HHIPL1: variants seen among roughly 807,000 people sequenced by gnomAD.
HHIPL1 encodes the protein HHIP like 1.
In HHIPL1, 43 loss-of-function variants were observed where a neutral mutation model predicts 61.8. That is an observed-to-expected ratio of 0.70 (90% CI 0.55 to 0.90). HHIPL1 has a LOEUF of 0.90. Ranked by LOEUF, HHIPL1 falls within the 40% of genes least tolerant of loss-of-function variation. HHIPL1 has a pLI of 0.00. For synonymous variants in HHIPL1, 482 were observed against 515.8 expected, an observed-to-expected ratio of 0.93 and a Z score of 0.89; for missense variants, 1,056 against 1,157.7, an observed-to-expected ratio of 0.91 and a Z score of 1.28.
chr14:99,636,607 C>G, the HHIPL1 span, among the ~76,000 whole-genome samples: 1 of 152,076 alleles, frequency 6.6e-6, no homozygotes, highest in South Asian at 2.1e-4. Flanking sequence ...GAGTTCTAGA[C>G]AGCAGTTAAA....
chr14:99,659,859 CG>C lies in HHIPL1; in HGVS notation c.1375+105del, dbSNP rs1686049878. On this transcript the variant is annotated intron_variant, in intron 4 of 8. Coordinates refer to ENST00000330710, the MANE Select transcript of HHIPL1 (RefSeq NM_001127258.3). ...CTCGGAGACCGCACCCCCCCCCCCC[CG>C]GAGATCCCTGACCCTGAGTCTGTCC... is the stretch of plus-strand genomic sequence containing the variant. 139 of 625,402 alleles carry C rather than the reference CG, an allele frequency of 2.2e-4. 1 individual carries two copies. The highest frequency in any genetic ancestry group is 2.9e-4 in the Non-Finnish European group (123 of 426,946). The allele number at this position is 625,402 out of a possible 1,614,324, so 38.7% of individuals were successfully genotyped here. A position where few individuals can be genotyped will look rare whatever the true frequency, so the allele number is the denominator to read the frequency against.
At chr14:99,607,718 G>A in the HHIPL1 span, among the ~76,000 whole-genome samples, 1 of 152,016 alleles carries the variant, frequency 6.6e-6, no homozygotes, top group South Asian at 2.1e-4. Context: ...CCCAGAGGCA[G>A]TACCATTTGG....
In HHIPL1 at chr14:99,652,323, T is replaced by C. The variant is rs180927674; in HGVS notation, c.355T>C (p.Trp119Arg). 1.9e-6 allele frequency: 3 copies of C among 1,614,158 alleles called. No homozygotes were observed. The Admixed American group carries it at 5.0e-5, about 27-fold the overall frequency. Reference protein sequence around the residue: ...GLCQDYCLDMWHKCRGLFRHL... With the variant: ...GLCQDYCLDMRHKCRGLFRHL... ...CTGCCAGGATTACTGCCTGGACATGTGGCATAAGTGCCGGGGGCTGTTCCG... is the reference window on the plus strand; with the variant it reads ...CTGCCAGGATTACTGCCTGGACATGCGGCATAAGTGCCGGGGGCTGTTCCG... The change falls in exon 2 of 9, where the codon TGG becomes CGG. Residue 119 changes from tryptophan (W) to arginine (R), a missense_variant. Coordinates refer to ENST00000330710, the MANE Select transcript of HHIPL1 (RefSeq NM_001127258.3).
the HHIPL1 span, among the ~76,000 whole-genome samples, chr14:99,638,224 C>T: frequency 2.0e-5 from 3 of 152,212 alleles, no homozygotes; most frequent in Admixed American, 1.3e-4. Flanking sequence ...CCAGCACTCA[C>T]GAGATGGGTC....
chr14:99,647,367 A>G (rs1218502216), intron 1 of HHIPL1, among the ~76,000 whole-genome samples: 1 of 152,184 alleles, frequency 6.6e-6, no homozygotes, highest in Non-Finnish European at 1.5e-5. Flanking sequence ...CCCCCATCAC[A>G]TAGCAGAGTT....
intron 8 of HHIPL1, 119 bp downstream of exon 8, chr14:99,672,518 C>T (rs530725511): frequency 2.6e-6 from 2 of 778,504 alleles, no homozygotes; most frequent in East Asian, 5.4e-5. Context: ...TCTTCAGCCC[C>T]TGTGCCTAGC....
intron 3 of HHIPL1, 27 bp from the exon 4 acceptor site, chr14:99,659,401 C>T (rs1487623029): frequency 7.1e-7 from 1 of 1,399,954 alleles, no homozygotes; most frequent in Non-Finnish European, 9.2e-7. Flanking sequence ...CGACCCCGAG[C>T]CGCGCCCTCT....
upstream of HHIPL1, among the ~76,000 whole-genome samples, chr14:99,640,811 C>T (rs533105732): frequency 8.4e-4 from 128 of 151,806 alleles, no homozygotes; most frequent in Non-Finnish European, 9.4e-4. Context: ...CTATAACCAT[C>T]CAGTACGTTG....
the HHIPL1 span, among the ~76,000 whole-genome samples, chr14:99,632,703 G>A: frequency 6.6e-5 from 10 of 152,094 alleles, no homozygotes; most frequent in Admixed American, 2.0e-4. Context: ...TGCCTCCTGC[G>A]CTGTGCTGTA....
At chr14:99,631,132 T>G in the HHIPL1 span, among the ~76,000 whole-genome samples, 12 of 149,564 alleles carry the variant, frequency 8.0e-5, no homozygotes, top group Non-Finnish European at 8.9e-5. Context: ...CTTTCTTTTT[T>G]TTTTTGACAG....
chr14:99,624,731 C>A, the HHIPL1 span: 1 of 152,586 alleles, frequency 6.6e-6, no homozygotes, highest in Non-Finnish European at 1.5e-5. Context: ...CCACTCCCAG[C>A]AACTGTGATT....
intron 1 of HHIPL1, among the ~76,000 whole-genome samples, chr14:99,651,085 C>CA (rs1321077609): frequency 2.0e-5 from 3 of 152,134 alleles, no homozygotes; most frequent in Admixed American, 1.3e-4. Context: ...CCCATCTCTA[C>CA]AAAAAATACA....
chr14:99,657,015 C>CA lies in HHIPL1; in HGVS notation c.921dup (p.Glu308ArgfsTer16). ...CTTCCTTTAGGATAATCCTGGAGGTCAAAGAACCAGCCTCAAACCACAACG... is the reference window on the plus strand; with the variant it reads ...CTTCCTTTAGGATAATCCTGGAGGTCAAAAGAACCAGCCTCAAACCACAACG... On this transcript the variant is annotated frameshift_variant, in exon 3 of 9. Coordinates refer to ENST00000330710, the MANE Select transcript of HHIPL1 (RefSeq NM_001127258.3). LOFTEE classifies it high-confidence loss of function. 6.2e-7 allele frequency: 1 copy of CA among 1,610,468 alleles called. No homozygotes were observed. Among genetic ancestry groups the CA allele is most frequent in the South Asian group, 1.1e-5 (1 of 90,524 alleles).
At chr14:99,644,381 G>C (rs1054990625), upstream of HHIPL1, among the ~76,000 whole-genome samples, 1 of 149,714 alleles carries the variant, frequency 6.7e-6, no homozygotes, top group African/African-American at 2.5e-5. Flanking sequence ...GAGACAGTGT[G>C]TGTGTGTTTG....
intron 1 of HHIPL1, 27 bp from the exon 2 acceptor site, chr14:99,652,197 A>ATC (rs1443392949): frequency 6.4e-7 from 1 of 1,553,522 alleles, no homozygotes; most frequent in Non-Finnish European, 8.7e-7. Flanking sequence ...TCCACAAAAC[A>ATC]TCTCTGAGCC....
intron 1 of HHIPL1, among the ~76,000 whole-genome samples, chr14:99,649,516 T>C (rs1436145627): frequency 6.6e-6 from 1 of 152,234 alleles, no homozygotes; most frequent in African/African-American, 2.4e-5. Context: ...TCAAGCCGTG[T>C]ACGGTGGCTC....
chr14:99,671,782 C>A (rs113669405), intron 7 of HHIPL1, among the ~76,000 whole-genome samples: 4,882 of 152,272 alleles, frequency 0.032, 256 homozygotes, highest in African/African-American at 0.11. Context: ...TGCCTCCAGG[C>A]ACAAGGCTTG....
chr14:99,608,863 C>G, the HHIPL1 span, among the ~76,000 whole-genome samples: 1 of 152,204 alleles, frequency 6.6e-6, no homozygotes, highest in Non-Finnish European at 1.5e-5. Flanking sequence ...ACATGGCTAG[C>G]AAGTGGCTGA....
At chr14:99,632,605 T>C in the HHIPL1 span, among the ~76,000 whole-genome samples, 635 of 152,246 alleles carry the variant, frequency 4.2e-3, 4 homozygotes, top group Admixed American at 8.8e-3. Context: ...TAGATCTCTA[T>C]TAATGCAGCC....
Sources: gnomAD v4.1 joint callset for allele counts (sites outside exome capture counted in the v4.1 genomes callset) on GRCh38, gnomAD v4.1.1 for gene constraint, MANE v1.5 for transcripts, NCBI Gene and HGNC (gene_info 2026-07-23, HGNC 2026-07-21) for gene names.